Variants in COL6A3 observed in about 807,000 individuals in gnomAD.
The protein encoded by COL6A3 is collagen type VI alpha 3 chain.
COL6A3 carries 137 observed loss-of-function variants against 274.1 expected under a neutral mutation model. The observed-to-expected ratio is 0.50, with a 90% CI of 0.44 to 0.58. COL6A3 has a LOEUF of 0.58. Ranked by LOEUF, COL6A3 falls within the 20% of genes least tolerant of loss-of-function variation. The pLI is 0.00. For synonymous variants in COL6A3, 1,650 were observed against 1,650.6 expected (o/e 1.00, Z 0.01); for missense variants, 3,950 against 4,124.9 (o/e 0.96, Z 1.16).
In COL6A3 at chr2:237,368,417, T is replaced by A; in HGVS notation, c.4900+146A>T. On this transcript the variant is annotated intron_variant, in intron 10 of 43. Coordinates refer to ENST00000295550, the MANE Select transcript of COL6A3 (RefSeq NM_004369.4). The surrounding 1 kb of genome is among the most constrained non-coding windows in gnomAD (Gnocchi z 4.4). The stretch of plus-strand genomic sequence containing the variant: ...CTTCCTTCTGCAATTTCAATGGAAC[T>A]ACTTTTCCAGTATTTAATTTCTAAT... The A allele has an allele frequency of 9.8e-7, 1 of 1,016,126 alleles. No homozygotes were observed. The highest frequency in any genetic ancestry group is 3.2e-4 in the Middle Eastern group (1 of 3,090). 62.9% of individuals were successfully genotyped at this position (1,016,126 alleles called of 1,614,324 possible). A position where few individuals can be genotyped will look rare whatever the true frequency, so the allele number is the denominator to read the frequency against.
chr2:237,395,493 T>G (rs955568472), intron 2 of COL6A3, among the ~76,000 whole-genome samples: 1 of 152,208 alleles, frequency 6.6e-6, no homozygotes, highest in African/African-American at 2.4e-5. Flanking sequence ...TGGGCTGTCT[T>G]TAACTCAAGT....
chr2:237,336,386 A>G lies in COL6A3; in HGVS notation c.8714T>C (p.Val2905Ala), dbSNP rs1195044110. Residue 2905 changes from valine (V) to alanine (A), a missense_variant, in exon 40 of 44, where the codon GTG becomes GCG. Val to Ala is a moderately conservative substitution (Grantham distance 64). Around this residue, in one of 5 missense-constraint regions of COL6A3, gnomAD observed 1,284 missense variants for 1,349.7 expected, o/e 0.95. Transcript: ENST00000295550. Reference protein sequence around the residue: ...KPVTIINQPSVKPAAAKPAPA... With the variant: ...KPVTIINQPSAKPAAAKPAPA... ...GGCCGGCTTTGCAGCGGCTGGCTTC[A>G]CAGATGGCTGATTTATAATAGTCAC... 1 of 1,614,116 alleles carries G rather than the reference A, an allele frequency of 6.2e-7. No homozygotes were observed. Among genetic ancestry groups the G allele is most frequent in the Non-Finnish European group, 8.5e-7 (1 of 1,180,048 alleles).
At position 237,350,187 on chromosome 2, in the gene COL6A3, G is replaced by A. The variant is rs769293397; in HGVS notation, c.6839C>T (p.Pro2280Leu). ...GCCCCGGTTCCCGATTCCTCCTTTT[G>A]GTCCTGGCTCTCCGGGCTCACCCTA... ...GRKGEPGEPG[P>L]KGGIGNRGPR... Residue 2280 changes from proline (P) to leucine (L), a missense_variant, in exon 28 of 44, where the codon CCA (proline) becomes CTA (leucine). By Grantham distance (98) the Pro-to-Leu change is moderately conservative. This residue lies in a region of COL6A3 where 1,284 missense variants were observed against 1,349.7 expected (regional missense o/e 0.95). Transcript: ENST00000295550. The A allele has an allele frequency of 6.2e-7, 1 of 1,614,092 alleles. No individual in the cohort carries two copies. The highest frequency in any genetic ancestry group is 1.1e-5 in the South Asian group (1 of 91,084).
In COL6A3 at chr2:237,340,536, AGAC is replaced by A. The variant is rs1559199799; in HGVS notation, c.8377_8379del (p.Val2793del). 6.2e-7 allele frequency: 1 copy of A among 1,614,178 alleles called. No individual in the cohort carries two copies. ...GTGGACTTGTCCACTAATTTGAAGA[AGAC>A]GTCGTTTGGCTCACTGGCGAAGGTG... On this transcript the variant is annotated inframe_deletion, in exon 38 of 44. Transcript: ENST00000295550.
At position 237,357,823 on chromosome 2, in the gene COL6A3, G is replaced by C. The variant is rs772180797; in HGVS notation, c.6531C>G (p.Gly2177=). 1 of 1,614,086 alleles carries C rather than the reference G, an allele frequency of 6.2e-7. No individual in the cohort carries two copies. The highest frequency in any genetic ancestry group is 8.5e-7 in the Non-Finnish European group (1 of 1,179,994). The part of the protein sequence containing the change: ...RGPKGETGDL[G]PMGVPGRDGV... ...GGAATGTGCAGCACCTTACCATGGGGCCGAGGTCACCGGTTTCTCCTTTGG... is the reference window on the plus strand; with the variant it reads ...GGAATGTGCAGCACCTTACCATGGGCCCGAGGTCACCGGTTTCTCCTTTGG... Residue 2177 remains glycine, a synonymous_variant, in exon 22 of 44, where the codon GGC becomes GGG. Transcript: ENST00000295550.
rs775972174 is a variant in COL6A3 at position 237,361,139 on chromosome 2, A to G, written c.6192T>C (p.Pro2064=). ...IPGEDGYRGY[P]GDEGGPGERG... is the part of the protein sequence containing the mutation. Reference sequence around the variant, plus strand: ...TACTTACGGGTCCACCCTCATCACCAGGATAGCCTCGGTAGCCGTCTTCTC... The same window carrying G: ...TACTTACGGGTCCACCCTCATCACCGGGATAGCCTCGGTAGCCGTCTTCTC... Residue 2064 remains proline, a synonymous_variant, in exon 16 of 44, where the codon CCT becomes CCC. Transcript: ENST00000295550. This position sits in a 1 kb window ranked among gnomAD's most constrained non-coding sequence, Gnocchi z 5.1. 22 of 1,614,152 alleles carry G rather than the reference A, an allele frequency of 1.4e-5. No homozygotes were observed. The highest frequency in any genetic ancestry group is 1.9e-5 in the Non-Finnish European group (22 of 1,180,002).
At position 237,407,349 on chromosome 2, in the gene COL6A3, G is replaced by A. The variant is rs1311335137; in HGVS notation, c.-31+6604C>T. Among the ~76,000 whole-genome samples, 2 of 152,192 alleles carry A rather than the reference G, an allele frequency of 1.3e-5. No individual in the cohort carries two copies. The highest frequency in any genetic ancestry group is 2.9e-5 in the Non-Finnish European group (2 of 68,040). ...TAGACCTCCTTTGTCACCTACTGGG[G>A]TCCTTTGTCACTTACGGGGGTCCTT... On this transcript the variant is annotated intron_variant, in intron 1 of 43. Transcript: ENST00000295550. The surrounding 1 kb of genome is among the most constrained non-coding windows in gnomAD (Gnocchi z 4.3).
chr2:237,394,133 G>C (rs999165257), intron 3 of COL6A3, among the ~76,000 whole-genome samples: 1 of 152,212 alleles, frequency 6.6e-6, no homozygotes. Context: ...AAGTAGAAGA[G>C]AGAAGCTCTC....
intron 6 of COL6A3, 63 bp downstream of exon 6, chr2:237,378,573 A>G: frequency 6.2e-7 from 1 of 1,611,292 alleles, no homozygotes; most frequent in Non-Finnish European, 8.5e-7. Flanking sequence ...CAGACTGGCA[A>G]ACTACCCTCC....
intron 5 of COL6A3, among the ~76,000 whole-genome samples, chr2:237,380,118 T>A (rs1008662796): frequency 6.8e-5 from 9 of 132,412 alleles, no homozygotes; most frequent in African/African-American, 3.1e-4. Flanking sequence ...TTAAGAAAAA[T>A]TTTAAAAGAG....
Position 237,359,225 on chromosome 2 carries a change from T to C in COL6A3, c.6335A>G (p.Asp2112Gly), listed in dbSNP as rs2077382781. Residue 2112 changes from aspartate (D) to glycine (G), a missense_variant, in exon 19 of 44, where the codon GAT (aspartate) becomes GGT (glycine). By Grantham distance (94) the Asp-to-Gly change is moderately conservative (BLOSUM62 -1). Coordinates refer to ENST00000295550, the MANE Select transcript of COL6A3 (RefSeq NM_004369.4). ...ACTTACATCTTCACCATCCAGACCA[T>C]CCAGTCCAATTTCTCCTACTTCGCC... Reference protein sequence around the residue: ...EKGEVGEIGLDGLDGEDGDKG... With the variant: ...EKGEVGEIGLGGLDGEDGDKG... 1.9e-6 allele frequency: 3 copies of C among 1,614,208 alleles called. No homozygotes were observed. The highest frequency in any genetic ancestry group is 4.5e-5 in the East Asian group (2 of 44,882).
chr2:237,359,301 G>A, intron 18 of COL6A3, 51 bp from the exon 19 acceptor site: 1 of 1,614,034 alleles, frequency 6.2e-7, no homozygotes, highest in East Asian at 2.2e-5. Context: ...TTCTGGCAAA[G>A]GAAGAAATGA....
chr2:237,351,249 G>A, intron 26 of COL6A3, 57 bp from the exon 27 acceptor site: 1 of 1,560,974 alleles, frequency 6.4e-7, no homozygotes, highest in Non-Finnish European at 8.8e-7. Context: ...AGGCAAATTG[G>A]TCTCTGAAAC....
chr2:237,363,792 T>C (rs937223304), intron 13 of COL6A3, among the ~76,000 whole-genome samples: 8 of 152,168 alleles, frequency 5.3e-5, no homozygotes, highest in Non-Finnish European at 1.2e-4. Flanking sequence ...AAATAGAAAG[T>C]TCTTAGGATA....
chr2:237,379,465 A>G (rs1325021485), intron 5 of COL6A3, among the ~76,000 whole-genome samples: 2 of 152,210 alleles, frequency 1.3e-5, no homozygotes, highest in African/African-American at 4.8e-5. Context: ...AGTTGGCTCA[A>G]AGAGAGCTAC....
At chr2:237,401,796 C>T (rs541101016) in intron 1 of COL6A3, among the ~76,000 whole-genome samples, 9 of 152,110 alleles carry the variant, frequency 5.9e-5, no homozygotes, top group Admixed American at 2.0e-4. Context: ...GCAATCCTTC[C>T]TTCTCAGCCT....
At chr2:237,377,976 A>G (rs1218169629) in intron 6 of COL6A3, among the ~76,000 whole-genome samples, 1 of 152,258 alleles carries the variant, frequency 6.6e-6, no homozygotes, top group Non-Finnish European at 1.5e-5. Flanking sequence ...GCAATGTGTA[A>G]TGTAAATAAC....
intron 23 of COL6A3, chr2:237,355,354 G>A (rs2077295869): frequency 6.0e-6 from 1 of 166,124 alleles, no homozygotes; most frequent in African/African-American, 2.4e-5. Flanking sequence ...TAATTATAAT[G>A]GAAGGGAGTC....
At position 237,376,928 on chromosome 2, in the gene COL6A3, T is replaced by C; in HGVS notation, c.2914A>G (p.Ile972Val). 1 of 1,614,198 alleles carries C rather than the reference T, an allele frequency of 6.2e-7. No homozygotes were observed. Among genetic ancestry groups the C allele is most frequent in the Non-Finnish European group, 8.5e-7 (1 of 1,180,038 alleles). ...NLKQSGVVPF[I>V]FQAKNADPAE... The stretch of plus-strand genomic sequence containing the variant: ...GGGTCTGCGTTCTTGGCTTGGAAGA[T>C]GAAAGGCACAACCCCACTCTGCTTC... The change falls in exon 7 of 44, where the codon ATC becomes GTC. Residue 972 changes from isoleucine to valine, a missense_variant. Coordinates refer to ENST00000295550, the MANE Select transcript of COL6A3 (RefSeq NM_004369.4).
Sources: gnomAD v4.1 joint callset for allele counts (sites outside exome capture counted in the v4.1 genomes callset) on GRCh38, gnomAD v4.1.1 for gene constraint, gnomAD v4.1.1 regional missense constraint, Gnocchi (gnomAD v3.1) non-coding constraint, MANE v1.5 for transcripts, NCBI Gene and HGNC (gene_info 2026-07-23, HGNC 2026-07-21) for gene names.